SPAG16: variants seen among roughly 807,000 people sequenced by gnomAD.
SPAG16 encodes sperm-associated antigen 16 protein.
A neutral mutation model predicts 80.4 loss-of-function variants in SPAG16; 86 were observed. The ratio of observed to expected loss-of-function variants is 1.07; its 90% confidence interval spans 0.90 to 1.28. The LOEUF is 1.28. Ranked by LOEUF, SPAG16 falls within the 50% of genes most tolerant of loss-of-function variation. The pLI is 0.00. For synonymous variants in SPAG16, 294 were observed against 265.9 expected (o/e 1.11, Z -1.03); for missense variants, 870 against 765.3 (o/e 1.14, Z -1.61).
At chr2:213,949,489 C>T (rs1277307926) in intron 12 of SPAG16, among the ~76,000 whole-genome samples, 2 of 151,940 alleles carry the variant, frequency 1.3e-5, no homozygotes, top group South Asian at 2.1e-4. Context: ...TTTTAATGTG[C>T]GTTTTTTACT....
intron 10 of SPAG16, among the ~76,000 whole-genome samples, chr2:213,579,581 T>C (rs1464392031): frequency 6.6e-6 from 1 of 152,156 alleles, no homozygotes; most frequent in Admixed American, 6.6e-5. Flanking sequence ...CCATTAAAAA[T>C]GATCTCTTCA....
In SPAG16 at chr2:214,132,816, A is replaced by G. The variant is rs551986835; in HGVS notation, c.1594-16324A>G. On this transcript the variant is annotated intron_variant, in intron 14 of 15. Coordinates refer to ENST00000331683, the MANE Select transcript of SPAG16 (RefSeq NM_024532.5). ...AAATTTGCATTTAAAAATGACTGTC[A>G]TGGCTGGGCCTATGCCTTGTAATCC... 1.9e-3 allele frequency among the ~76,000 whole-genome samples: 290 copies of G among 152,204 alleles called. 2 individuals carry two copies. Among genetic ancestry groups the G allele is most frequent in the Non-Finnish European group, 3.4e-3 (234 of 67,994 alleles).
chr2:214,173,277 A>G (rs1484557184), intron 15 of SPAG16, among the ~76,000 whole-genome samples: 1 of 152,060 alleles, frequency 6.6e-6, no homozygotes, highest in Non-Finnish European at 1.5e-5. Flanking sequence ...TTTTTGTATA[A>G]GGTGTGAGGA....
At chr2:213,761,528 A>T (rs961883907) in intron 10 of SPAG16, among the ~76,000 whole-genome samples, 1 of 152,168 alleles carries the variant, frequency 6.6e-6, no homozygotes, top group African/African-American at 2.4e-5. Context: ...CTAATAAAAA[A>T]TGAGAGAAAA....
intron 10 of SPAG16, among the ~76,000 whole-genome samples, chr2:213,791,668 A>T (rs1196197885): frequency 1.3e-5 from 2 of 152,148 alleles, no homozygotes; most frequent in Non-Finnish European, 2.9e-5. Flanking sequence ...TACGTTAAAT[A>T]CTTCAAATAA....
intron 12 of SPAG16, among the ~76,000 whole-genome samples, chr2:213,956,560 G>A (rs2044152636): frequency 6.7e-6 from 1 of 148,824 alleles, no homozygotes; most frequent in Non-Finnish European, 1.5e-5. Flanking sequence ...CGATTCTCCT[G>A]CCTCAGCCTC....
intron 12 of SPAG16, among the ~76,000 whole-genome samples, chr2:213,947,556 T>A (rs2106311073): frequency 6.6e-6 from 1 of 152,256 alleles, no homozygotes; most frequent in East Asian, 1.9e-4. Context: ...AACTGTTGAG[T>A]TTCTGTTGAA....
chr2:214,157,913 T>A (rs1319910986), intron 15 of SPAG16, among the ~76,000 whole-genome samples: 1 of 152,040 alleles, frequency 6.6e-6, no homozygotes, highest in Non-Finnish European at 1.5e-5. Context: ...TTAAGCACAA[T>A]GTTTTAAGGT....
chr2:213,305,221 C>T (rs1388230012), intron 3 of SPAG16, among the ~76,000 whole-genome samples: 1 of 152,108 alleles, frequency 6.6e-6, no homozygotes, highest in African/African-American at 2.4e-5. Flanking sequence ...ATGTTGATTT[C>T]ATATTCTGCA....
intron 8 of SPAG16, chr2:213,365,052 C>A (rs372392887): frequency 1.3e-5 from 2 of 152,130 alleles, no homozygotes; most frequent in East Asian, 1.9e-4. Context: ...TCCACCCTAA[C>A]GAAGCATAAA....
At chr2:213,730,219 A>G (rs1215149222) in intron 10 of SPAG16, among the ~76,000 whole-genome samples, 2 of 152,216 alleles carry the variant, frequency 1.3e-5, no homozygotes, top group Non-Finnish European at 2.9e-5. Context: ...ACTCATTGTA[A>G]CACCAACTAG....
chr2:213,921,461 C>G (rs1033523469), intron 11 of SPAG16, among the ~76,000 whole-genome samples: 3 of 152,122 alleles, frequency 2.0e-5, no homozygotes, highest in African/African-American at 7.2e-5. Flanking sequence ...AGACAGCATA[C>G]TATTGGGTCT....
chr2:213,398,919 TAAA>T (rs1167410690), intron 9 of SPAG16, among the ~76,000 whole-genome samples: 1 of 152,158 alleles, frequency 6.6e-6, no homozygotes, highest in African/African-American at 2.4e-5. Context: ...ATGCATAAAT[TAAA>T]AAATGTGTTT....
chr2:214,173,770 C>A (rs1286515425), intron 15 of SPAG16, among the ~76,000 whole-genome samples: 25 of 151,438 alleles, frequency 1.7e-4, no homozygotes, highest in Non-Finnish European at 3.4e-4. Flanking sequence ...GAGACACAAC[C>A]AAAAAAGAGA....
At chr2:213,737,610 C>A (rs966528340) in intron 10 of SPAG16, among the ~76,000 whole-genome samples, 1 of 151,910 alleles carries the variant, frequency 6.6e-6, no homozygotes, top group Non-Finnish European at 1.5e-5. Context: ...GCCTCAGCCT[C>A]CCGAGTAGCT....
At chr2:213,563,828 A>G (rs1488723896) in intron 10 of SPAG16, among the ~76,000 whole-genome samples, 10 of 152,240 alleles carry the variant, frequency 6.6e-5, no homozygotes, top group African/African-American at 2.4e-4. Context: ...AGGACTAAAC[A>G]TATTAATGTA....
At chr2:213,373,484 G>C (rs1057377528) in intron 8 of SPAG16, among the ~76,000 whole-genome samples, 1 of 151,958 alleles carries the variant, frequency 6.6e-6, no homozygotes, top group Non-Finnish European at 1.5e-5. Context: ...TTTCCATTTT[G>C]TTTGTAGAGC....
chr2:213,377,897 ATATATATTT>A (rs2066965001), intron 9 of SPAG16, among the ~76,000 whole-genome samples: 109 of 89,158 alleles, frequency 1.2e-3, no homozygotes, highest in Middle Eastern at 0.016. Context: ...ATATATATAT[ATATATATTT>A]TTTTTTTTTT....
At chr2:214,059,206 ATATATATATGTATGTG>A (rs2050112555) in intron 13 of SPAG16, among the ~76,000 whole-genome samples, 1 of 96,360 alleles carries the variant, frequency 1.0e-5, no homozygotes, top group African/African-American at 3.6e-5. Context: ...ATATATATAT[ATATATATATGTATGTG>A]TATATATATA....
Sources: allele counts gnomAD v4.1 joint callset (sites outside exome capture counted in the v4.1 genomes callset), GRCh38; gene constraint gnomAD v4.1.1; transcripts MANE v1.5; gene names NCBI Gene and HGNC (gene_info 2026-07-23, HGNC 2026-07-21).